SIAH3: variants seen among roughly 807,000 people sequenced by gnomAD.
The protein encoded by SIAH3 is seven in absentia homolog 3.
In SIAH3, 9 loss-of-function variants were observed where a neutral mutation model predicts 12.6. The observed-to-expected ratio is 0.72, with a 90% CI of 0.43 to 1.25. The LOEUF is 1.25. Ranked by LOEUF, SIAH3 falls within the 50% of genes most tolerant of loss-of-function variation. The pLI, the probability that SIAH3 is intolerant of heterozygous loss-of-function variation, is 0.00. For missense variants in SIAH3, 390 were observed against 365.4 expected (o/e 1.07, Z -0.55); for synonymous variants, 154 against 151.1 (o/e 1.02, Z -0.14).
chr13:45,848,791 G>C (rs1440432027), intron 1 of SIAH3, among the ~76,000 whole-genome samples: 2 of 152,274 alleles, frequency 1.3e-5, no homozygotes, highest in East Asian at 3.9e-4. Flanking sequence ...CTCTGTCCTT[G>C]GTCACCATTT....
chr13:45,843,620 C>G (rs1341872314), intron 1 of SIAH3, among the ~76,000 whole-genome samples: 1 of 152,172 alleles, frequency 6.6e-6, no homozygotes, highest in African/African-American at 2.4e-5. Context: ...AGTGGGGTTC[C>G]GTGCTTTCTT....
chr13:45,810,778 A>G (rs1431221737), intron 1 of SIAH3, among the ~76,000 whole-genome samples: 1 of 152,218 alleles, frequency 6.6e-6, no homozygotes, highest in Admixed American at 6.5e-5. Context: ...AGATAGGAAG[A>G]GGCAAACATC....
chr13:45,812,694 A>G (rs1950620262), intron 1 of SIAH3, among the ~76,000 whole-genome samples: 4 of 150,566 alleles, frequency 2.7e-5, no homozygotes, highest in Non-Finnish European at 4.4e-5. Context: ...ACATGCTCAC[A>G]CTCACACTCC....
chr13:45,803,773 G>C (rs1362098383), intron 1 of SIAH3, among the ~76,000 whole-genome samples: 1 of 152,060 alleles, frequency 6.6e-6, no homozygotes, highest in Non-Finnish European at 1.5e-5. Context: ...TATGTATAAG[G>C]AGTTTGAGTC....
chr13:45,848,131 C>T (rs749410516), intron 1 of SIAH3, among the ~76,000 whole-genome samples: 28 of 152,156 alleles, frequency 1.8e-4, no homozygotes, highest in Non-Finnish European at 3.8e-4. Context: ...TCATGAGCGC[C>T]AGCCTGAAGT....
chr13:45,824,457 C>G (rs986192579), intron 1 of SIAH3, among the ~76,000 whole-genome samples: 2 of 152,182 alleles, frequency 1.3e-5, no homozygotes, highest in Non-Finnish European at 2.9e-5. Context: ...CTCCATACCC[C>G]TCACCTGTCA....
At chr13:45,789,056 GAGA>G (rs1487855476) in intron 1 of SIAH3, among the ~76,000 whole-genome samples, 1 of 152,138 alleles carries the variant, frequency 6.6e-6, no homozygotes, top group Non-Finnish European at 1.5e-5. Flanking sequence ...GCTAGGAGGG[GAGA>G]AGAACTGACC....
rs532040645 is a variant in SIAH3, at chr13:45,794,792, G to A, written c.136-10735C>T. On this transcript the variant is annotated intron_variant, in intron 1 of 1. Coordinates refer to ENST00000400405, the MANE Select transcript of SIAH3 (RefSeq NM_198849.3). ...TCTCAGGTGTGTCTTTATTAGCAGC[G>A]AGAGAATGAACTAATACACACATCT... 7.4e-4 allele frequency among the ~76,000 whole-genome samples: 112 copies of A among 152,144 alleles called. 2 individuals are homozygous for A. Among genetic ancestry groups the A allele is most frequent in the African/African-American group, 2.4e-3 (98 of 41,502 alleles).
chr13:45,837,474 GAGAA>G (rs1418477010), intron 1 of SIAH3, among the ~76,000 whole-genome samples: 6 of 151,624 alleles, frequency 4.0e-5, no homozygotes, highest in African/African-American at 4.8e-5. Context: ...AGGAAGGAGA[GAGAA>G]AGAGAGGGAA....
chr13:45,791,367 T>C (rs1264776417), intron 1 of SIAH3, among the ~76,000 whole-genome samples: 1 of 152,174 alleles, frequency 6.6e-6, no homozygotes, highest in Non-Finnish European at 1.5e-5. Flanking sequence ...TTTTAATATA[T>C]GCTGCTTGAA....
intron 1 of SIAH3, among the ~76,000 whole-genome samples, chr13:45,805,929 T>TC (rs1426183445): frequency 2.0e-5 from 3 of 152,266 alleles, no homozygotes; most frequent in Non-Finnish European, 4.4e-5. Flanking sequence ...CAGACACTTC[T>TC]CAAAAGAAGA....
At chr13:45,822,520 AATAT>A (rs36106322) in intron 1 of SIAH3, among the ~76,000 whole-genome samples, 4,169 of 85,340 alleles carry the variant, frequency 0.049, 181 homozygotes, top group Non-Finnish European at 0.052. Context: ...TTCATTATCA[AATAT>A]ATATATATAT....
chr13:45,847,813 A>G (rs904836986), intron 1 of SIAH3, among the ~76,000 whole-genome samples: 3 of 152,088 alleles, frequency 2.0e-5, no homozygotes, highest in African/African-American at 7.2e-5. Flanking sequence ...AAGAGGAGGA[A>G]GTCACTCAGC....
chr13:45,814,689 T>C (rs186294042), intron 1 of SIAH3, among the ~76,000 whole-genome samples: 1 of 151,728 alleles, frequency 6.6e-6, no homozygotes, highest in Non-Finnish European at 1.5e-5. Context: ...CCCAGAGTTC[T>C]AGTATTAGGT....
At chr13:45,803,301 C>A (rs961093767) in intron 1 of SIAH3, among the ~76,000 whole-genome samples, 11 of 151,954 alleles carry the variant, frequency 7.2e-5, no homozygotes, top group Non-Finnish European at 1.6e-4. Flanking sequence ...ACTTTATCAG[C>A]CCTCTTTCAT....
At chr13:45,850,201 T>A (rs1950775015) in intron 1 of SIAH3, among the ~76,000 whole-genome samples, 1 of 152,042 alleles carries the variant, frequency 6.6e-6, no homozygotes, top group African/African-American at 2.4e-5. Flanking sequence ...CCATCGCCCC[T>A]CCCCCAGGAC....
At position 45,777,964 on chromosome 13, in the gene SIAH3, G is replaced by A. The variant is rs975461736; in HGVS notation, c.*5419C>T. On this transcript the variant is annotated 3_prime_UTR_variant, in exon 2 of 2. Coordinates refer to ENST00000400405, the MANE Select transcript of SIAH3 (RefSeq NM_198849.3). Reference sequence around the variant, plus strand: ...AGTGACTCTTGTCCTAGTGGAAACTGTGCCCCAGATTTAGAAAGAGTATTG... The same window carrying A: ...AGTGACTCTTGTCCTAGTGGAAACTATGCCCCAGATTTAGAAAGAGTATTG... The A allele has an allele frequency of 1.3e-5, 2 of 152,308 alleles. No individual in the cohort carries two copies. The highest frequency in any genetic ancestry group is 2.9e-5 in the Non-Finnish European group (2 of 68,030). 9.4% of individuals were successfully genotyped at this position (152,308 alleles called of 1,614,324 possible).
At chr13:45,824,268 C>T (rs1950665988) in intron 1 of SIAH3, among the ~76,000 whole-genome samples, 2 of 152,202 alleles carry the variant, frequency 1.3e-5, no homozygotes, top group Admixed American at 6.5e-5. Context: ...ATTTGTCCCA[C>T]AACGCCACAT....
chr13:45,831,459 C>A (rs1442467242), intron 1 of SIAH3, among the ~76,000 whole-genome samples: 3 of 152,014 alleles, frequency 2.0e-5, no homozygotes, highest in Non-Finnish European at 4.4e-5. Flanking sequence ...AGAAGATAAT[C>A]CAGTAAGGAG....
Sources: gnomAD v4.1 joint callset for allele counts (sites outside exome capture counted in the v4.1 genomes callset) on GRCh38, gnomAD v4.1.1 for gene constraint, MANE v1.5 for transcripts, NCBI Gene and HGNC (gene_info 2026-07-23, HGNC 2026-07-21) for gene names.